The following CDH18 variants were observed in gnomAD, a reference collection of about 807,000 sequenced individuals.
CDH18 encodes the protein cadherin 18, also known as cadherin-18.
Under a neutral mutation model 67.9 loss-of-function variants are expected in CDH18, and 31 were observed. That is an observed-to-expected ratio of 0.46 (90% confidence interval 0.34 to 0.62). CDH18 has a LOEUF of 0.62. Among genes scored for constraint, CDH18 ranks in the 20% least tolerant of loss-of-function variants. The pLI is 0.01. For synonymous variants in CDH18, 362 were observed against 347.2 expected (o/e 1.04, Z -0.48); for missense variants, 890 against 975.5 (o/e 0.91, Z 1.17).
rs34718835 is a variant in CDH18, at chr5:20,266,571, A to ATTTTTTTTTTT, written c.-579-11077_-579-11067dup. Among the ~76,000 whole-genome samples, 431 of 59,198 alleles carry ATTTTTTTTTTT rather than the reference A, an allele frequency of 7.3e-3. 17 individuals are homozygous for ATTTTTTTTTTT. The highest frequency in any genetic ancestry group is 0.03 in the East Asian group (56 of 1,896). 38.8% of individuals were successfully genotyped at this position (59,198 alleles called of 152,430 possible). ...GGCACGTGCCGGCACGCCCGGCTGA[A>ATTTTTTTTTTT]TTTTTTTTTTTTTTTTTTTTTTTTT... On this transcript the variant is annotated intron_variant, in intron 1 of 14. Transcript: ENST00000507958.
At position 19,734,485 on chromosome 5, in the gene CDH18, C is replaced by T. The variant is rs187367912; in HGVS notation, c.523+12457G>A. 1.7e-3 allele frequency among the ~76,000 whole-genome samples: 256 copies of T among 151,316 alleles called. 1 individual carries two copies. Among genetic ancestry groups the T allele is most frequent in the African/African-American group, 5.9e-3 (242 of 41,306 alleles). Reference sequence around the variant, plus strand: ...TGCTTAATTCTTGTGTCACAATATTCCTTTTTTGAGCCATCCTCAGAAAAA... The same window carrying T: ...TGCTTAATTCTTGTGTCACAATATTTCTTTTTTGAGCCATCCTCAGAAAAA... On this transcript the variant is annotated intron_variant, in intron 4 of 12. Transcript: ENST00000382275.
chr5:19,881,248 T>C (rs898396119), intron 2 of CDH18, among the ~76,000 whole-genome samples: 12 of 152,194 alleles, frequency 7.9e-5, no homozygotes, highest in Admixed American at 4.6e-4. Context: ...CCAAAACTTA[T>C]GTAAATATCT....
At chr5:20,404,667 G>T (rs1746070943) in intron 1 of CDH18, among the ~76,000 whole-genome samples, 3 of 151,896 alleles carry the variant, frequency 2.0e-5, no homozygotes, top group Non-Finnish European at 4.4e-5. Flanking sequence ...GAAAGACCAG[G>T]GATCACAGAT....
chr5:20,293,632 G>T (rs1256471844), intron 1 of CDH18, among the ~76,000 whole-genome samples: 2 of 152,096 alleles, frequency 1.3e-5, no homozygotes, highest in Non-Finnish European at 2.9e-5. Flanking sequence ...ATTAATGCAT[G>T]AATTAAAATT....
chr5:20,543,981 A>T (rs1206254215), intron 1 of CDH18, among the ~76,000 whole-genome samples: 4 of 152,136 alleles, frequency 2.6e-5, no homozygotes, highest in South Asian at 2.1e-4. Context: ...TATAGAACAC[A>T]TATTTATTTT....
chr5:19,968,293 T>A (rs1173110615), intron 2 of CDH18, among the ~76,000 whole-genome samples: 2 of 151,770 alleles, frequency 1.3e-5, no homozygotes, highest in African/African-American at 4.8e-5. Context: ...TTCAATGCCA[T>A]CCCCATCAAG....
intron 1 of CDH18, among the ~76,000 whole-genome samples, chr5:20,484,762 T>C (rs965908791): frequency 1.3e-5 from 2 of 151,990 alleles, no homozygotes; most frequent in African/African-American, 2.4e-5. Context: ...ATTGAACTCA[T>C]GGAGATAGAG....
chr5:19,510,937 G>A (rs781180101), intron 10 of CDH18, among the ~76,000 whole-genome samples: 1 of 151,742 alleles, frequency 6.6e-6, no homozygotes, highest in Non-Finnish European at 1.5e-5. Flanking sequence ...TCAGCCTCCC[G>A]AGTAGCTGGG....
At chr5:20,565,551 G>A (rs927919214) in intron 1 of CDH18, among the ~76,000 whole-genome samples, 4 of 151,866 alleles carry the variant, frequency 2.6e-5, no homozygotes, top group Non-Finnish European at 4.4e-5. Context: ...TGCTGTGGAG[G>A]GCACTACAAA....
Position 19,751,472 on chromosome 5 carries a change from G to C in CDH18, c.229-4236C>G, listed in dbSNP as rs115580283. On this transcript the variant is annotated intron_variant, in intron 3 of 12. Coordinates refer to ENST00000382275, the MANE Select transcript of CDH18 (RefSeq NM_004934.5). The stretch of plus-strand genomic sequence containing the variant: ...GAAATATAGTAATTCCACTATGATT[G>C]ATCATTATCTCCAAAACTTGCACAA... Among the ~76,000 whole-genome samples, 398 of 152,274 alleles carry C rather than the reference G, an allele frequency of 2.6e-3. 2 individuals are homozygous for C. The highest frequency in any genetic ancestry group is 9.4e-3 in the African/African-American group (391 of 41,554).
chr5:20,502,137 C>A (rs572910744), intron 1 of CDH18, among the ~76,000 whole-genome samples: 4 of 152,172 alleles, frequency 2.6e-5, no homozygotes, highest in African/African-American at 9.6e-5. Flanking sequence ...GATTGCTTAT[C>A]TTGCAGAAGA....
At chr5:19,556,596 A>G (rs961185270) in intron 8 of CDH18, among the ~76,000 whole-genome samples, 1 of 152,120 alleles carries the variant, frequency 6.6e-6, no homozygotes, top group African/African-American at 2.4e-5. Context: ...AATTTAAAAA[A>G]CGAGCAAAGC....
At chr5:19,567,971 G>A (rs1349761280) in intron 8 of CDH18, among the ~76,000 whole-genome samples, 2 of 152,084 alleles carry the variant, frequency 1.3e-5, no homozygotes, top group Non-Finnish European at 2.9e-5. Flanking sequence ...GACTATTCAT[G>A]TATATGATTT....
chr5:20,528,014 C>T (rs533746951), intron 1 of CDH18, among the ~76,000 whole-genome samples: 154 of 152,052 alleles, frequency 1.0e-3, no homozygotes, highest in African/African-American at 3.5e-3. Flanking sequence ...ATTCAAGAGA[C>T]GTGTCTCACA....
intron 1 of CDH18, among the ~76,000 whole-genome samples, chr5:20,279,764 A>G (rs750232596): frequency 3.3e-5 from 5 of 150,522 alleles, no homozygotes; most frequent in African/African-American, 4.9e-5. Context: ...CTTAAATTCA[A>G]TAACAGCTGC....
chr5:20,299,286 TG>T (rs1469922738), intron 1 of CDH18, among the ~76,000 whole-genome samples: 1 of 152,080 alleles, frequency 6.6e-6, no homozygotes, highest in Non-Finnish European at 1.5e-5. Context: ...ACAAAATGGA[TG>T]TGGTTTGTCA....
intron 1 of CDH18, among the ~76,000 whole-genome samples, chr5:20,265,394 C>G (rs1400917049): frequency 6.6e-6 from 1 of 151,956 alleles, no homozygotes; most frequent in Non-Finnish European, 1.5e-5. Flanking sequence ...TGTAGCAAAA[C>G]TCCTTTGGAA....
intron 7 of CDH18, among the ~76,000 whole-genome samples, chr5:19,577,835 T>C (rs1452232989): frequency 6.6e-6 from 1 of 152,204 alleles, no homozygotes; most frequent in Non-Finnish European, 1.5e-5. Context: ...AATTAACTTA[T>C]GTAGTAAACT....
chr5:19,663,243 G>A lies in CDH18; in HGVS notation c.644-50642C>T, dbSNP rs1580757075. Among the ~76,000 whole-genome samples, 5 of 151,946 alleles carry A rather than the reference G, an allele frequency of 3.3e-5. No individual in the cohort carries two copies. The South Asian group carries it at 1.0e-3, about 32-fold the overall frequency. ...AAAATGCTTTAATGAGAAAAAAAAT[G>A]TTCTATCCCCCTGCAAAATTCTATT... On this transcript the variant is annotated intron_variant, in intron 5 of 12. Coordinates refer to ENST00000382275, the MANE Select transcript of CDH18 (RefSeq NM_004934.5).
Sources: gnomAD v4.1 joint callset for allele counts (sites outside exome capture counted in the v4.1 genomes callset) on GRCh38, gnomAD v4.1.1 for gene constraint, MANE v1.5 for transcripts, NCBI Gene and HGNC (gene_info 2026-07-23, HGNC 2026-07-21) for gene names.